The following LOC122539214 variants were observed in gnomAD, a reference collection of about 807,000 sequenced individuals.
chr19:52,688,258 C>T, the LOC122539214 span, among the ~76,000 whole-genome samples: 1 of 152,010 alleles, frequency 6.6e-6, no homozygotes, highest in Non-Finnish European at 1.5e-5. Flanking sequence ...GCAGCCTGGA[C>T]CTCCCGAGCT....
the LOC122539214 span, chr19:52,655,426 A>G: frequency 4.7e-6 from 4 of 842,240 alleles, no homozygotes; most frequent in South Asian, 4.8e-5. Flanking sequence ...AGACAGGAGG[A>G]TCATCACTGC....
At chr19:52,659,593 A>T in the LOC122539214 span, among the ~76,000 whole-genome samples, 1 of 148,658 alleles carries the variant, frequency 6.7e-6, no homozygotes, top group Non-Finnish European at 1.5e-5. Flanking sequence ...GCAATACCTC[A>T]ACAGAGCAAG....
chr19:52,654,323 G>A, the LOC122539214 span: 1 of 1,450,550 alleles, frequency 6.9e-7, no homozygotes, highest in Non-Finnish European at 9.6e-7. Flanking sequence ...TTATGTCTTT[G>A]CAATGTCCCT....
At chr19:52,672,998 A>C in the LOC122539214 span, among the ~76,000 whole-genome samples, 1 of 151,302 alleles carries the variant, frequency 6.6e-6, no homozygotes, top group Non-Finnish European at 1.5e-5. Flanking sequence ...TAAATTGTAC[A>C]TATAAAAATG....
At chr19:52,657,212 A>T in the LOC122539214 span, among the ~76,000 whole-genome samples, 1 of 152,226 alleles carries the variant, frequency 6.6e-6, no homozygotes, top group Non-Finnish European at 1.5e-5. Context: ...GTCAGCCAAC[A>T]TACAGAAATT....
chr19:52,658,683 C>G, the LOC122539214 span, among the ~76,000 whole-genome samples: 22 of 152,250 alleles, frequency 1.4e-4, no homozygotes, highest in Admixed American at 1.4e-3. Context: ...TGAAGGCACC[C>G]GGTTCTTACC....
the LOC122539214 span, among the ~76,000 whole-genome samples, chr19:52,672,927 T>C: frequency 6.6e-6 from 1 of 151,952 alleles, no homozygotes; most frequent in African/African-American, 2.4e-5. Flanking sequence ...TGATAATGGG[T>C]ACAAAAAATA....
At chr19:52,680,251 T>C in the LOC122539214 span, among the ~76,000 whole-genome samples, 1 of 152,056 alleles carries the variant, frequency 6.6e-6, no homozygotes. Flanking sequence ...AGAGCCAAGA[T>C]AGACAAGAGC....
At chr19:52,669,622 G>C in the LOC122539214 span, among the ~76,000 whole-genome samples, 1 of 152,162 alleles carries the variant, frequency 6.6e-6, no homozygotes, top group Non-Finnish European at 1.5e-5. Flanking sequence ...ACATTGCAAG[G>C]TCTGACTGCT....
At chr19:52,690,028 A>G in the LOC122539214 span, among the ~76,000 whole-genome samples, 5 of 152,066 alleles carry the variant, frequency 3.3e-5, no homozygotes. Context: ...TCCCAGGACT[A>G]GGCAGAGGAC....
chr19:52,677,491 G>GA, the LOC122539214 span, among the ~76,000 whole-genome samples: 1 of 150,376 alleles, frequency 6.6e-6, no homozygotes, highest in Admixed American at 6.6e-5. Flanking sequence ...GTCTCAAAAA[G>GA]AAAAAAAGAA....
chr19:52,666,002 C>CA, the LOC122539214 span, among the ~76,000 whole-genome samples: 49,099 of 144,230 alleles, frequency 0.34, 9,286 homozygotes, highest in African/African-American at 0.53. Flanking sequence ...ACTAAAAATA[C>CA]AAAAAAAAAA....
At chr19:52,689,915 G>A in the LOC122539214 span, among the ~76,000 whole-genome samples, 1 of 152,208 alleles carries the variant, frequency 6.6e-6, no homozygotes, top group Non-Finnish European at 1.5e-5. Flanking sequence ...GGGCTCAGGA[G>A]AAGCGGTGAC....
At chr19:52,665,063 C>A in the LOC122539214 span, among the ~76,000 whole-genome samples, 7 of 152,264 alleles carry the variant, frequency 4.6e-5, no homozygotes. Flanking sequence ...CAAAGTCCTG[C>A]CTGAGCCAAA....
At chr19:52,689,474 C>A in the LOC122539214 span, among the ~76,000 whole-genome samples, 1 of 152,094 alleles carries the variant, frequency 6.6e-6, no homozygotes, top group Admixed American at 6.6e-5. Context: ...ACCAGCACCA[C>A]TCTGCTCTGT....
At chr19:52,661,261 C>T in the LOC122539214 span, among the ~76,000 whole-genome samples, 1 of 152,176 alleles carries the variant, frequency 6.6e-6, no homozygotes, top group Non-Finnish European at 1.5e-5. Flanking sequence ...CTGCCCACTG[C>T]ACCAGAGATC....
the LOC122539214 span, among the ~76,000 whole-genome samples, chr19:52,684,349 G>A: frequency 1.3e-5 from 2 of 151,948 alleles, no homozygotes. Flanking sequence ...CTGGGTGACA[G>A]AGTGAGACTC....
the LOC122539214 span, among the ~76,000 whole-genome samples, chr19:52,660,433 A>AAT: frequency 6.6e-6 from 1 of 152,112 alleles, no homozygotes; most frequent in Non-Finnish European, 1.5e-5. Context: ...AGCCTGGCCA[A>AAT]CATGGTGAAA....
the LOC122539214 span, among the ~76,000 whole-genome samples, chr19:52,667,854 A>G: frequency 6.6e-6 from 1 of 152,244 alleles, no homozygotes; most frequent in Non-Finnish European, 1.5e-5. Context: ...TAAGTTTAAC[A>G]TTAATAAAAC....
Sources: gnomAD v4.1 joint callset for allele counts (sites outside exome capture counted in the v4.1 genomes callset) on GRCh38, gnomAD v4.1.1 for gene constraint, MANE v1.5 for transcripts.